NRP2: variants seen among roughly 807,000 people sequenced by gnomAD.
NRP2 encodes the protein neuropilin 2, also known as neuropilin-2.
NRP2 carries 52 observed loss-of-function variants against 110.4 expected under a neutral mutation model. The observed-to-expected ratio is 0.47, with a 90% CI of 0.38 to 0.59. The LOEUF (loss-of-function observed/expected upper bound fraction) is 0.59, where lower values mean the gene tolerates loss of function less well. Ranked by LOEUF, NRP2 falls within the 20% of genes least tolerant of loss-of-function variation. The pLI is 0.00. For missense variants in NRP2, 1,049 were observed against 1,203.0 expected, an observed-to-expected ratio of 0.87 and a Z score of 1.89; for synonymous variants, 508 against 468.9, an observed-to-expected ratio of 1.08 and a Z score of -1.08.
intron 10 of NRP2, among the ~76,000 whole-genome samples, chr2:205,747,806 G>A (rs2057565834): frequency 6.6e-6 from 1 of 152,072 alleles, no homozygotes; most frequent in Non-Finnish European, 1.5e-5. Context: ...AGTTGCTAAT[G>A]ACCTCTTTCC....
intron 7 of NRP2, among the ~76,000 whole-genome samples, chr2:205,730,329 T>C (rs754837525): frequency 4.0e-5 from 6 of 149,376 alleles, no homozygotes; most frequent in Admixed American, 1.3e-4. Context: ...ATTTGTCAAG[T>C]CTGCCGCAGT....
chr2:205,716,592 G>A (rs2056901979), intron 3 of NRP2, among the ~76,000 whole-genome samples: 1 of 130,314 alleles, frequency 7.7e-6, no homozygotes, highest in Admixed American at 8.0e-5. Context: ...GGGTGGGGGT[G>A]GGGTCAAAAC....
chr2:205,768,678 A>T (rs1479186065), intron 15 of NRP2, among the ~76,000 whole-genome samples: 1 of 152,188 alleles, frequency 6.6e-6, no homozygotes, highest in Non-Finnish European at 1.5e-5. Context: ...AAATAAACAC[A>T]GGGCTTAGTA....
rs192593691 is a variant in NRP2 at position 205,749,058 on chromosome 2, G to A, written c.1787-667G>A. On this transcript the variant is annotated intron_variant, in intron 10 of 16. Transcript: ENST00000357785. Reference sequence around the variant, plus strand: ...ATTTTTGCTTTCTTGTTGGGGGAAGGAAAGGGGGAAAGATTTGGAAGACCT... The same window carrying A: ...ATTTTTGCTTTCTTGTTGGGGGAAGAAAAGGGGGAAAGATTTGGAAGACCT... Among the ~76,000 whole-genome samples the A allele has an allele frequency of 2.4e-3, 373 of 152,268 alleles. 1 individual carries two copies. The highest frequency in any genetic ancestry group is 8.4e-3 in the African/African-American group (350 of 41,544).
intron 15 of NRP2, among the ~76,000 whole-genome samples, chr2:205,788,166 C>G (rs1169877334): frequency 6.6e-6 from 1 of 152,144 alleles, no homozygotes; most frequent in African/African-American, 2.4e-5. Context: ...CGTGTACCTA[C>G]TCTGTCTCTC....
At chr2:205,726,834 C>T (rs1238908010) in intron 6 of NRP2, among the ~76,000 whole-genome samples, 1 of 152,166 alleles carries the variant, frequency 6.6e-6, no homozygotes, top group African/African-American at 2.4e-5. Context: ...ACACAGTGAC[C>T]TCTGCTCTAA....
At chr2:205,794,594 T>C (rs2058334896) in intron 16 of NRP2, 160 bp from the exon 17 acceptor site, 4 of 749,876 alleles carry the variant, frequency 5.3e-6, no homozygotes, top group Non-Finnish European at 9.3e-6. Context: ...GTTACACAGC[T>C]AGGATGCGGC....
At chr2:205,736,450 C>T (rs1167363475) in intron 7 of NRP2, among the ~76,000 whole-genome samples, 1 of 152,162 alleles carries the variant, frequency 6.6e-6, no homozygotes, top group African/African-American at 2.4e-5. Flanking sequence ...ACAAGGCAAC[C>T]CACCGATTTT....
At chr2:205,774,178 C>G (rs1054414520) in intron 15 of NRP2, among the ~76,000 whole-genome samples, 3 of 152,180 alleles carry the variant, frequency 2.0e-5, no homozygotes, top group South Asian at 4.1e-4. Flanking sequence ...TCTTGGTGAC[C>G]TGAATAATGA....
At chr2:205,697,322 G>A (rs2105887691) in intron 1 of NRP2, among the ~76,000 whole-genome samples, 1 of 151,392 alleles carries the variant, frequency 6.6e-6, no homozygotes, top group South Asian at 2.1e-4. Flanking sequence ...CTGTGTGTGT[G>A]TGTGTGTGTG....
At chr2:205,712,385 G>C (rs555806593) in intron 2 of NRP2, among the ~76,000 whole-genome samples, 3 of 152,266 alleles carry the variant, frequency 2.0e-5, no homozygotes, top group African/African-American at 7.2e-5. Context: ...GAAAACGAGT[G>C]ATACGTTCTA....
At chr2:205,685,464 C>G (rs2056126992) in intron 1 of NRP2, among the ~76,000 whole-genome samples, 1 of 152,244 alleles carries the variant, frequency 6.6e-6, no homozygotes. Context: ...GGGCCTGGTT[C>G]AGCCGCCGCC....
intron 2 of NRP2, among the ~76,000 whole-genome samples, chr2:205,710,711 T>C (rs1002698260): frequency 6.6e-6 from 1 of 152,178 alleles, no homozygotes; most frequent in Non-Finnish European, 1.5e-5. Context: ...GCTTCTTTGT[T>C]GGGAAGTTGT....
chr2:205,704,966 G>A (rs954751940), intron 2 of NRP2, among the ~76,000 whole-genome samples: 4 of 152,036 alleles, frequency 2.6e-5, no homozygotes, highest in African/African-American at 9.7e-5. Context: ...GGTGTGGAGG[G>A]GATAAAGAAG....
rs1245486988 is a variant in NRP2 at position 205,743,224 on chromosome 2, T to C, written c.1313T>C (p.Leu438Pro). The change falls in exon 9 of 17, where the codon CTG becomes CCG. Residue 438 changes from leucine to proline, a missense_variant. By Grantham distance (98) the Leu-to-Pro change is moderately conservative (BLOSUM62 -3). Transcript: ENST00000357785. ...GCAGATGCTCCCTGCTCCAACATGCTGGGGATGCTCTCAGGCCTCATTGCA... is the reference window on the plus strand; with the variant it reads ...GCAGATGCTCCCTGCTCCAACATGCCGGGGATGCTCTCAGGCCTCATTGCA... Reference protein sequence around the residue: ...RVTDAPCSNMLGMLSGLIADS... With the variant: ...RVTDAPCSNMPGMLSGLIADS... 1 of 1,613,288 alleles carries C rather than the reference T, an allele frequency of 6.2e-7. No individual in the cohort carries two copies. The highest frequency in any genetic ancestry group is 8.5e-7 in the Non-Finnish European group (1 of 1,180,024).
rs146535108 is a variant in NRP2 at position 205,707,742 on chromosome 2, C to T, written c.252-8451C>T. 3.4e-3 allele frequency among the ~76,000 whole-genome samples: 525 copies of T among 152,240 alleles called. 4 individuals carry two copies. The highest frequency in any genetic ancestry group is 0.011 in the African/African-American group (474 of 41,550). Reference sequence around the variant, plus strand: ...AGCAGGCTCCCGTTTTTTGGACAGACGGGGAAGTTATGATTTGCCCTCACA... The same window carrying T: ...AGCAGGCTCCCGTTTTTTGGACAGATGGGGAAGTTATGATTTGCCCTCACA... On this transcript the variant is annotated intron_variant, in intron 2 of 16. Coordinates refer to ENST00000357785, the MANE Select transcript of NRP2 (RefSeq NM_003872.3).
At chr2:205,719,186 G>A (rs577932726) in intron 3 of NRP2, among the ~76,000 whole-genome samples, 1 of 152,288 alleles carries the variant, frequency 6.6e-6, no homozygotes, top group South Asian at 2.1e-4. Context: ...CGGATTCATA[G>A]AGAGGAAGAA....
chr2:205,704,037 C>T (rs2056619016), intron 2 of NRP2, among the ~76,000 whole-genome samples: 1 of 152,142 alleles, frequency 6.6e-6, no homozygotes, highest in Admixed American at 6.5e-5. Flanking sequence ...CCCCACCTTC[C>T]CTGTCCATTG....
At chr2:205,734,742 G>A (rs2057312594) in intron 7 of NRP2, among the ~76,000 whole-genome samples, 1 of 152,170 alleles carries the variant, frequency 6.6e-6, no homozygotes, top group African/African-American at 2.4e-5. Flanking sequence ...TTGAAAGGGA[G>A]AACTTTGGAG....
Sources: gnomAD v4.1 joint callset for allele counts (sites outside exome capture counted in the v4.1 genomes callset) on GRCh38, gnomAD v4.1.1 for gene constraint, MANE v1.5 for transcripts, NCBI Gene and HGNC (gene_info 2026-07-23, HGNC 2026-07-21) for gene names.